AGMO: variants seen among roughly 807,000 people sequenced by gnomAD.
AGMO encodes the protein alkylglycerol monooxygenase.
AGMO carries 75 observed loss-of-function variants against 60.2 expected under a neutral mutation model. The ratio of observed to expected loss-of-function variants is 1.25; its 90% CI spans 1.03 to 1.51. The LOEUF (loss-of-function observed/expected upper bound fraction) is 1.51, where lower values mean the gene tolerates loss of function less well. AGMO is among the 40% of genes most tolerant of loss of function. The pLI is 0.00. For synonymous variants in AGMO, 261 were observed against 177.1 expected (o/e 1.47, Z -3.76); for missense variants, 763 against 525.5 (o/e 1.45, Z -4.42).
the AGMO span, among the ~76,000 whole-genome samples, chr7:15,155,419 C>CTTTTTTTTTTTTTTTT: frequency 1.9e-4 from 12 of 63,926 alleles, no homozygotes; most frequent in Non-Finnish European, 2.5e-4. Flanking sequence ...TACAGAATTT[C>CTTTTTTTTTTTTTTTT]TTTTTTTTTT....
At chr7:15,427,214 G>C (rs370416916) in intron 4 of AGMO, among the ~76,000 whole-genome samples, 2 of 152,124 alleles carry the variant, frequency 1.3e-5, no homozygotes, top group Non-Finnish European at 2.9e-5. Context: ...TTCTATAGTA[G>C]ATACATAATG....
At position 15,387,538 on chromosome 7, in the gene AGMO, G is replaced by C; in HGVS notation, c.825C>G (p.Phe275Leu). Reference sequence around the variant, plus strand: ...TAGTCCATATGGAAAATAAGTGATGGAACTAGAAACAATAAAAAAAGAGCT... The same window carrying C: ...TAGTCCATATGGAAAATAAGTGATGCAACTAGAAACAATAAAAAAAGAGCT... ...INTFEPIKVQ[F>L]HHLFSIWTTF... Residue 275 changes from phenylalanine to leucine, a missense_variant and splice_region_variant, in exon 9 of 13, where the codon TTC (phenylalanine) becomes TTG (leucine). Physicochemically the swap from Phe to Leu is conservative, Grantham distance 22 (BLOSUM62 0). Transcript: ENST00000342526. 1 of 1,595,266 alleles carries C rather than the reference G, an allele frequency of 6.3e-7. No homozygotes were observed. Among genetic ancestry groups the C allele is most frequent in the South Asian group, 1.1e-5 (1 of 88,506 alleles).
At chr7:15,344,992 TAC>T (rs1021377203) in intron 12 of AGMO, among the ~76,000 whole-genome samples, 1 of 152,218 alleles carries the variant, frequency 6.6e-6, no homozygotes, top group African/African-American at 2.4e-5. Context: ...GCTCTATCCT[TAC>T]AGTGACTGTC....
chr7:15,288,763 T>G (rs1293600444), intron 12 of AGMO, among the ~76,000 whole-genome samples: 1 of 137,906 alleles, frequency 7.3e-6, no homozygotes, highest in Non-Finnish European at 1.6e-5. Flanking sequence ...TAAATCATCC[T>G]GAAAAAAAAA....
chr7:15,135,530 C>A, the AGMO span, among the ~76,000 whole-genome samples: 1 of 152,102 alleles, frequency 6.6e-6, no homozygotes, highest in African/African-American at 2.4e-5. Context: ...TGTTTTAAAT[C>A]AAAAACTGCA....
chr7:15,518,749 T>C (rs1452270509), intron 3 of AGMO, among the ~76,000 whole-genome samples: 1 of 151,818 alleles, frequency 6.6e-6, no homozygotes, highest in East Asian at 2.0e-4. Flanking sequence ...AAAACCAGAA[T>C]GCCTCTTCTC....
At chr7:15,347,891 C>T (rs1782091075) in intron 12 of AGMO, among the ~76,000 whole-genome samples, 2 of 151,972 alleles carry the variant, frequency 1.3e-5, no homozygotes, top group African/African-American at 4.8e-5. Flanking sequence ...ATCACCTTGA[C>T]ACAAGATAGA....
At chr7:15,287,461 T>C (rs1021335237) in intron 12 of AGMO, among the ~76,000 whole-genome samples, 2 of 152,210 alleles carry the variant, frequency 1.3e-5, no homozygotes, top group African/African-American at 4.8e-5. Flanking sequence ...ACTCTGAACT[T>C]CTCTATTTGG....
intron 12 of AGMO, among the ~76,000 whole-genome samples, chr7:15,237,742 C>G (rs1330698209): frequency 6.6e-6 from 1 of 152,052 alleles, no homozygotes; most frequent in Non-Finnish European, 1.5e-5. Context: ...TTAACGTTCA[C>G]CTCAGCTTGA....
chr7:15,533,358 T>A (rs745539645), intron 3 of AGMO, among the ~76,000 whole-genome samples: 3 of 152,170 alleles, frequency 2.0e-5, no homozygotes, highest in Non-Finnish European at 4.4e-5. Context: ...AAAATATTAA[T>A]CTATGACAAT....
chr7:15,164,775 G>T, the AGMO span, among the ~76,000 whole-genome samples: 2 of 152,038 alleles, frequency 1.3e-5, no homozygotes. Flanking sequence ...AGAGAAAAGG[G>T]AATGCTTATT....
chr7:15,464,266 T>C (rs1297547582), intron 3 of AGMO, among the ~76,000 whole-genome samples: 1 of 152,210 alleles, frequency 6.6e-6, no homozygotes, highest in South Asian at 2.1e-4. Flanking sequence ...TAAAAACATG[T>C]AATCTTAGCT....
the AGMO span, among the ~76,000 whole-genome samples, chr7:15,162,029 G>T: frequency 1.3e-5 from 2 of 152,086 alleles, no homozygotes; most frequent in Admixed American, 6.6e-5. Flanking sequence ...ACTGGATCAT[G>T]GGGACGGTTC....
At position 15,387,553 on chromosome 7, in the gene AGMO, A is replaced by C; in HGVS notation, c.823-13T>G. The C allele has an allele frequency of 6.3e-7, 1 of 1,588,924 alleles. No individual in the cohort carries two copies. The highest frequency in any genetic ancestry group is 2.2e-5 in the East Asian group (1 of 44,722). ...ATAAGTGATGGAACTAGAAACAATA[A>C]AAAAAGAGCTTATTTCACATAAGAT... is the stretch of plus-strand genomic sequence containing the variant. On this transcript the variant is annotated splice_polypyrimidine_tract_variant and intron_variant, in intron 8 of 12. Transcript: ENST00000342526.
In AGMO at chr7:15,322,602, A is replaced by T. The variant is rs1383786436; in HGVS notation, c.1263+42912T>A. ...TATATATAAATATATAAATATATAT[A>T]AATATATATAAATATATAAATATAT... On this transcript the variant is annotated intron_variant, in intron 12 of 12. Transcript: ENST00000342526. 8.4e-5 allele frequency among the ~76,000 whole-genome samples: 5 copies of T among 59,494 alleles called. 1 individual carries two copies. The highest frequency in any genetic ancestry group is 4.7e-4 in the African/African-American group (5 of 10,716). The allele number at this position is 59,494 out of a possible 152,430, so 39.0% of individuals were successfully genotyped here.
At chr7:15,304,769 A>G (rs190029400) in intron 12 of AGMO, among the ~76,000 whole-genome samples, 1 of 152,164 alleles carries the variant, frequency 6.6e-6, no homozygotes, top group Admixed American at 6.6e-5. Context: ...ATTGTCAACT[A>G]AAAAATACAG....
At chr7:15,129,740 C>G in the AGMO span, among the ~76,000 whole-genome samples, 1 of 152,138 alleles carries the variant, frequency 6.6e-6, no homozygotes, top group East Asian at 1.9e-4. Flanking sequence ...TTGGAAGCAT[C>G]TGGTGGAGAC....
At chr7:15,404,225 T>C (rs1784627318) in intron 5 of AGMO, among the ~76,000 whole-genome samples, 1 of 151,908 alleles carries the variant, frequency 6.6e-6, no homozygotes, top group African/African-American at 2.4e-5. Context: ...GTTATGTTTA[T>C]ACAATAAACA....
intron 12 of AGMO, among the ~76,000 whole-genome samples, chr7:15,229,255 T>A (rs1212354421): frequency 1.3e-5 from 2 of 152,114 alleles, no homozygotes; most frequent in African/African-American, 4.8e-5. Flanking sequence ...AATTTTATCA[T>A]GTCTATAACC....
Sources: allele counts gnomAD v4.1 joint callset (sites outside exome capture counted in the v4.1 genomes callset), GRCh38; gene constraint gnomAD v4.1.1; transcripts MANE v1.5; gene names NCBI Gene and HGNC (gene_info 2026-07-23, HGNC 2026-07-21).